SOS1: variants seen among roughly 807,000 people sequenced by gnomAD.
The protein encoded by SOS1 is SOS Ras/Rac guanine nucleotide exchange factor 1.
A neutral mutation model predicts 157.6 loss-of-function variants in SOS1; 25 were observed. The ratio of observed to expected loss-of-function variants is 0.16; its 90% CI spans 0.12 to 0.22. SOS1 has a LOEUF of 0.22. Ranked by LOEUF, SOS1 falls within the 10% of genes least tolerant of loss-of-function variation. The pLI, the probability that SOS1 is intolerant of heterozygous loss-of-function variation, is 1.00. For synonymous variants in SOS1, 528 were observed against 534.0 expected (o/e 0.99, Z 0.16); for missense variants, 1,237 against 1,599.1 (o/e 0.77, Z 3.86).
At chr2:39,066,222 A>G (rs1411553379) in intron 2 of SOS1, among the ~76,000 whole-genome samples, 1 of 152,168 alleles carries the variant, frequency 6.6e-6, no homozygotes, top group Non-Finnish European at 1.5e-5. Flanking sequence ...AAAGGTTGCA[A>G]AGCACTGCCA....
Position 39,012,282 on chromosome 2 carries a change from T to C in SOS1, c.2234A>G (p.Asp745Gly). 2 of 1,613,616 alleles carry C rather than the reference T, an allele frequency of 1.2e-6. No individual in the cohort carries two copies. The highest frequency in any genetic ancestry group is 1.7e-6 in the Non-Finnish European group (2 of 1,179,638). ...KIIQRKKIAR[D>G]NGPGHNITFQ... is the part of the protein sequence containing the mutation. ...TGTAATATTATGACCTGGTCCATTG[T>C]CTCTTGCAATTTTTTTCCTTTGGAT... Residue 745 changes from aspartate to glycine, a missense_variant, in exon 14 of 23, where the codon GAC (aspartate) becomes GGC (glycine). Coordinates refer to ENST00000402219, the MANE Select transcript of SOS1 (RefSeq NM_005633.4).
chr2:39,042,728 T>TA, intron 6 of SOS1, among the ~76,000 whole-genome samples: 1 of 151,736 alleles, frequency 6.6e-6, no homozygotes, highest in African/African-American at 2.4e-5. Flanking sequence ...TTTTTTTTTT[T>TA]TTTTAAAAAC....
chr2:39,100,511 C>T (rs538192734), intron 1 of SOS1, among the ~76,000 whole-genome samples: 2 of 152,168 alleles, frequency 1.3e-5, no homozygotes, highest in Non-Finnish European at 2.9e-5. Flanking sequence ...TGCAACTACA[C>T]GGATAATAAA....
intron 6 of SOS1, among the ~76,000 whole-genome samples, chr2:39,041,460 A>AT (rs1381954706): frequency 1.3e-5 from 2 of 151,914 alleles, no homozygotes; most frequent in Non-Finnish European, 2.9e-5. Flanking sequence ...ATTTGCAAAT[A>AT]TTTTTTCCCT....
chr2:39,030,084 T>C (rs1472633868), intron 8 of SOS1, among the ~76,000 whole-genome samples: 3 of 151,986 alleles, frequency 2.0e-5, no homozygotes, highest in East Asian at 3.9e-4. Context: ...AGGAATCACT[T>C]GAGCCCAGGT....
chr2:39,045,474 C>T (rs1448551623), intron 6 of SOS1, among the ~76,000 whole-genome samples: 2 of 152,096 alleles, frequency 1.3e-5, no homozygotes, highest in East Asian at 1.9e-4. Context: ...GGTGCATACA[C>T]ATTAATGGCT....
At chr2:39,102,303 G>C (rs1442541219) in intron 1 of SOS1, among the ~76,000 whole-genome samples, 1 of 147,694 alleles carries the variant, frequency 6.8e-6, no homozygotes, top group Non-Finnish European at 1.5e-5. Flanking sequence ...CAGGAGGATA[G>C]CTTGAGCCTA....
At position 38,995,147 on chromosome 2, in the gene SOS1, C is replaced by G. The variant is rs199856844; in HGVS notation, c.3322G>C (p.Asp1108His). ...CTTGAGTGAAAAGGGCTCGAATGAT[C>G]GGAATCAAATACACTGCAAACATCT... ...TTDVCSVFDS[D>H]HSSPFHSSND... is the part of the protein sequence containing the mutation. Residue 1108 changes from aspartate (D) to histidine (H), a missense_variant, in exon 20 of 23, where the codon GAT (aspartate) becomes CAT (histidine). Around this residue, in one of 15 missense-constraint regions of SOS1, gnomAD observed 306 missense variants for 322.6 expected, o/e 0.95. Transcript: ENST00000402219. 39 of 1,613,924 alleles carry G rather than the reference C, an allele frequency of 2.4e-5. No individual in the cohort carries two copies. Among genetic ancestry groups the G allele is most frequent in the Non-Finnish European group, 3.1e-5 (37 of 1,179,904 alleles).
chr2:39,035,621 A>C (rs988417400), intron 6 of SOS1, 121 bp from the exon 7 acceptor site: 3 of 700,062 alleles, frequency 4.3e-6, no homozygotes, highest in South Asian at 3.3e-5. Flanking sequence ...CTAAGCAAAA[A>C]TTATATGACT....
At chr2:39,009,256 GA>G (rs552976917) in intron 15 of SOS1, among the ~76,000 whole-genome samples, 70 of 148,314 alleles carry the variant, frequency 4.7e-4, no homozygotes, top group African/African-American at 1.1e-3. Flanking sequence ...TATTTGAACT[GA>G]AAAAAAAAAT....
Position 39,035,503 on chromosome 2 carries a change from T to G in SOS1, c.865-3A>C. ...TCATATGGATCAAATGCCAGTTCCT[T>G]AGAAAATAAAGAAGGTAAAACATAA... On this transcript the variant is annotated splice_polypyrimidine_tract_variant and splice_region_variant and intron_variant, in intron 6 of 22. Transcript: ENST00000402219. 1 of 1,593,890 alleles carries G rather than the reference T, an allele frequency of 6.3e-7. No individual in the cohort carries two copies. The highest frequency in any genetic ancestry group is 8.6e-7 in the Non-Finnish European group (1 of 1,161,848).
At chr2:39,068,684 A>G (rs760333783) in intron 1 of SOS1, among the ~76,000 whole-genome samples, 85 of 150,624 alleles carry the variant, frequency 5.6e-4, no homozygotes, top group Non-Finnish European at 7.4e-5. Flanking sequence ...CTCCTCAACC[A>G]TTTCTTTAAT....
At chr2:39,113,207 TAG>T (rs1476703364) in intron 1 of SOS1, among the ~76,000 whole-genome samples, 2 of 152,144 alleles carry the variant, frequency 1.3e-5, no homozygotes, top group African/African-American at 4.8e-5. Context: ...TTAATGTATT[TAG>T]AGACACAGTC....
intron 1 of SOS1, among the ~76,000 whole-genome samples, chr2:39,074,098 C>G (rs544735763): frequency 2.0e-5 from 3 of 151,780 alleles, no homozygotes; most frequent in Non-Finnish European, 4.4e-5. Context: ...GCCTGTAATC[C>G]CAGCACTTTG....
At chr2:39,098,811 C>T (rs575632318) in intron 1 of SOS1, among the ~76,000 whole-genome samples, 1 of 152,260 alleles carries the variant, frequency 6.6e-6, no homozygotes, top group African/African-American at 2.4e-5. Context: ...ATTGCCTGAA[C>T]CCGGAAGGTG....
At position 39,043,155 on chromosome 2, in the gene SOS1, G is replaced by C. The variant is rs148792174; in HGVS notation, c.865-7655C>G. On this transcript the variant is annotated intron_variant, in intron 6 of 22. Coordinates refer to ENST00000402219, the MANE Select transcript of SOS1 (RefSeq NM_005633.4). ...AAATGTCCTTTATTAGGTTAAGAAA[G>C]TTCCCTTCTATTGCTTGTTTGCCCA... 2.2e-3 allele frequency among the ~76,000 whole-genome samples: 342 copies of C among 152,240 alleles called. 1 individual carries two copies. Among genetic ancestry groups the C allele is most frequent in the African/African-American group, 7.9e-3 (330 of 41,550 alleles).
In SOS1 at chr2:38,984,988, G is replaced by C. The variant is rs1668509917; in HGVS notation, c.*836C>G. The C allele has an allele frequency of 6.6e-6, 1 of 152,178 alleles. No homozygotes were observed. The highest frequency in any genetic ancestry group is 2.4e-5 in the African/African-American group (1 of 41,440). 9.4% of individuals were successfully genotyped at this position (152,178 alleles called of 1,614,324 possible). ...GGACTACCAGTAAACTTCTGTGGGA[G>C]AAGGAGGGAAAATGACAATCTAGCA... On this transcript the variant is annotated 3_prime_UTR_variant, in exon 23 of 23. Coordinates refer to ENST00000402219, the MANE Select transcript of SOS1 (RefSeq NM_005633.4).
At chr2:39,122,435 CAA>C (rs1179830874), upstream of SOS1, among the ~76,000 whole-genome samples, 166 of 100,650 alleles carry the variant, frequency 1.6e-3, no homozygotes, top group African/African-American at 5.5e-3. Context: ...CGTTTCAATT[CAA>C]AAAAAAATAT....
intron 20 of SOS1, 141 bp from the exon 21 acceptor site, chr2:38,989,455 T>C (rs1668660143): frequency 1.3e-5 from 8 of 609,858 alleles, no homozygotes; most frequent in Non-Finnish European, 2.4e-5. Context: ...TAAAACCTCA[T>C]TACTACTTAC....
Sources: allele counts gnomAD v4.1 joint callset (sites outside exome capture counted in the v4.1 genomes callset), GRCh38; gene constraint gnomAD v4.1.1; regional missense constraint gnomAD v4.1.1; transcripts MANE v1.5; gene names NCBI Gene and HGNC (gene_info 2026-07-23, HGNC 2026-07-21).